SGCD: variants seen among roughly 807,000 people sequenced by gnomAD.
SGCD encodes the protein sarcoglycan delta.
SGCD carries 18 observed loss-of-function variants against 36.6 expected under a neutral mutation model. That is an observed-to-expected ratio of 0.49 (90% CI 0.34 to 0.73). The LOEUF is 0.73. Ranked by LOEUF, SGCD falls within the 30% of genes least tolerant of loss-of-function variation. The probability of loss-of-function intolerance (pLI) is 0.01; values close to 1 mark genes in which losing one functional copy is unlikely to be tolerated. For missense variants in SGCD, 387 were observed against 346.7 expected, an observed-to-expected ratio of 1.12 and a Z score of -0.92; for synonymous variants, 133 against 130.6, an observed-to-expected ratio of 1.02 and a Z score of -0.12.
chr5:156,612,951 G>C (rs556833183), intron 6 of SGCD, among the ~76,000 whole-genome samples: 10 of 152,322 alleles, frequency 6.6e-5, no homozygotes, highest in African/African-American at 1.9e-4. Flanking sequence ...CTATAGGTGT[G>C]TGTAGCAGTA....
intron 3 of SGCD, among the ~76,000 whole-genome samples, chr5:156,285,019 T>G (rs369519828): frequency 6.6e-6 from 1 of 152,140 alleles, no homozygotes; most frequent in African/African-American, 2.4e-5. Context: ...AGCATTCTTA[T>G]ACACCAATAA....
intron 1 of SGCD, among the ~76,000 whole-genome samples, chr5:156,029,975 T>C (rs543989495): frequency 3.3e-5 from 5 of 152,138 alleles, no homozygotes; most frequent in Non-Finnish European, 7.4e-5. Context: ...CTCATAAACC[T>C]ACCTCCCTCA....
chr5:156,373,475 G>C (rs1175811704), intron 3 of SGCD, among the ~76,000 whole-genome samples: 1 of 152,148 alleles, frequency 6.6e-6, no homozygotes. Flanking sequence ...CTACATTTAA[G>C]AATTAATTTA....
rs901214079 is a variant in SGCD at position 156,271,646 on chromosome 5, TGAGA to T, written c.-43-57878_-43-57875del. Among the ~76,000 whole-genome samples, 40 of 151,770 alleles carry T rather than the reference TGAGA, an allele frequency of 2.6e-4. No individual in the cohort carries two copies. In the East Asian group the frequency reaches 6.4e-3, roughly 24 times the overall value. ...AGATGTGTGTGTATGTGTGTGTGTGTGAGAGAGAGAGAGTGTGACTTTTTTTCAC... is the reference window on the plus strand; with the variant it reads ...AGATGTGTGTGTATGTGTGTGTGTGTGAGAGAGAGTGTGACTTTTTTTCAC... On this transcript the variant is annotated intron_variant, in intron 3 of 9. Coordinates refer to the SGCD transcript ENST00000517913.
At chr5:156,090,577 C>T (rs557105362) in intron 1 of SGCD, among the ~76,000 whole-genome samples, 1 of 152,292 alleles carries the variant, frequency 6.6e-6, no homozygotes, top group East Asian at 1.9e-4. Flanking sequence ...GTCCATGTCC[C>T]ACTGGGCACA....
At chr5:156,634,382 C>T (rs1762745530) in intron 6 of SGCD, among the ~76,000 whole-genome samples, 1 of 152,112 alleles carries the variant, frequency 6.6e-6, no homozygotes, top group Admixed American at 6.6e-5. Context: ...GTGTAACCAA[C>T]CTGCACATCC....
At chr5:155,749,263 A>G in the SGCD span, among the ~76,000 whole-genome samples, 1,012 of 152,284 alleles carry the variant, frequency 6.6e-3, 9 homozygotes, top group African/African-American at 0.023. Context: ...GCAAGTATCA[A>G]GGCCTGGAGA....
At chr5:156,566,743 CTG>C (rs1759493925) in intron 4 of SGCD, among the ~76,000 whole-genome samples, 2 of 152,050 alleles carry the variant, frequency 1.3e-5, no homozygotes, top group South Asian at 4.1e-4. Context: ...AAAATTAAGA[CTG>C]TTTCTCCCTT....
intron 3 of SGCD, among the ~76,000 whole-genome samples, chr5:156,298,121 T>G (rs1304849584): frequency 6.6e-6 from 1 of 152,192 alleles, no homozygotes; most frequent in African/African-American, 2.4e-5. Flanking sequence ...CTTATTTTTT[T>G]TTATGGTTGA....
intron 4 of SGCD, among the ~76,000 whole-genome samples, chr5:156,519,834 C>A (rs1757329100): frequency 6.6e-6 from 1 of 152,108 alleles, no homozygotes; most frequent in African/African-American, 2.4e-5. Context: ...TTAAAAAACT[C>A]CCAATAAATG....
At chr5:156,184,555 C>T (rs1019907979) in intron 3 of SGCD, among the ~76,000 whole-genome samples, 1 of 152,104 alleles carries the variant, frequency 6.6e-6, no homozygotes, top group Non-Finnish European at 1.5e-5. Context: ...CTTCCTTGTC[C>T]TGTCTTATAT....
At chr5:156,449,668 C>T (rs1038925082) in intron 3 of SGCD, among the ~76,000 whole-genome samples, 15 of 58,658 alleles carry the variant, frequency 2.6e-4, no homozygotes, top group Non-Finnish European at 1.8e-4. Context: ...TCCGTCTCTA[C>T]TAAAAATACA....
intron 2 of SGCD, among the ~76,000 whole-genome samples, chr5:156,330,985 C>A (rs748159179): frequency 9.2e-5 from 14 of 152,152 alleles, no homozygotes; most frequent in African/African-American, 1.7e-4. Context: ...ACAGATAATG[C>A]ACTTAGCATT....
chr5:156,305,484 T>C (rs780185729), intron 3 of SGCD, among the ~76,000 whole-genome samples: 1 of 152,100 alleles, frequency 6.6e-6, no homozygotes, highest in Non-Finnish European at 1.5e-5. Context: ...AGAGGATGTA[T>C]GGAAATGCCT....
chr5:155,770,209 G>A, the SGCD span, among the ~76,000 whole-genome samples: 1 of 152,034 alleles, frequency 6.6e-6, no homozygotes, highest in East Asian at 1.9e-4. Context: ...TTACAACTTG[G>A]GAGAAGCACT....
chr5:156,061,069 A>G (rs1035217748), intron 1 of SGCD, among the ~76,000 whole-genome samples: 2 of 145,936 alleles, frequency 1.4e-5, no homozygotes, highest in African/African-American at 4.9e-5. Flanking sequence ...TAAAAAAAAT[A>G]AAAATCTATT....
intron 7 of SGCD, among the ~76,000 whole-genome samples, chr5:156,726,406 C>T (rs1398468992): frequency 1.3e-5 from 2 of 152,196 alleles, no homozygotes; most frequent in Non-Finnish European, 2.9e-5. Context: ...CTCTATCCTA[C>T]ATAATTACTT....
At chr5:155,858,734 C>G in the SGCD span, among the ~76,000 whole-genome samples, 4 of 152,208 alleles carry the variant, frequency 2.6e-5, no homozygotes, top group East Asian at 1.9e-4. Context: ...AGTTCTGGGT[C>G]GATTAGAACC....
intron 1 of SGCD, among the ~76,000 whole-genome samples, chr5:156,074,666 C>T (rs1391484735): frequency 2.6e-5 from 4 of 151,754 alleles, no homozygotes; most frequent in East Asian, 1.9e-4. Context: ...GGCAAGAAAG[C>T]GAGAATCCAT....
Sources: allele counts gnomAD v4.1 joint callset (sites outside exome capture counted in the v4.1 genomes callset), GRCh38; gene constraint gnomAD v4.1.1; transcripts MANE v1.5; gene names NCBI Gene and HGNC (gene_info 2026-07-23, HGNC 2026-07-21).